The following AOPEP variants were observed in gnomAD, a reference collection of about 807,000 sequenced individuals.
AOPEP encodes aminopeptidase O.
AOPEP carries 77 observed loss-of-function variants against 98.1 expected under a neutral mutation model. That is an observed-to-expected ratio of 0.78 (90% CI 0.65 to 0.95). The LOEUF is 0.95. Ranked by LOEUF, AOPEP falls within the 40% of genes least tolerant of loss-of-function variation. The pLI is 0.00. For synonymous variants in AOPEP, 346 were observed against 365.3 expected (o/e 0.95, Z 0.60); for missense variants, 1,024 against 1,024.7 (o/e 1.00, Z 0.01).
chr9:94,775,422 T>TC (rs1321543505), intron 3 of AOPEP, among the ~76,000 whole-genome samples: 1 of 150,836 alleles, frequency 6.6e-6, no homozygotes, highest in African/African-American at 2.4e-5. Flanking sequence ...CAGGCTGGAG[T>TC]GCAATGGCGC....
chr9:95,137,348 T>C, the AOPEP span, among the ~76,000 whole-genome samples: 1 of 151,928 alleles, frequency 6.6e-6, no homozygotes, highest in Non-Finnish European at 1.5e-5. Context: ...CCGGGGAGAC[T>C]GCGGAGGAGC....
chr9:94,743,193 A>AGAAGAAGAAGAAGAAGAGGAAGAAGAG (rs1554695832), intron 1 of AOPEP, among the ~76,000 whole-genome samples: 1 of 121,928 alleles, frequency 8.2e-6, no homozygotes. Context: ...AAGAAGAAGA[A>AGAAGAAGAAGAAGAAGAGGAAGAAGAG]GAAGAAGAGG....
chr9:95,086,462 C>G, intron 16 of AOPEP: 1 of 985,376 alleles, frequency 1.0e-6, no homozygotes, highest in Non-Finnish European at 1.2e-6. Flanking sequence ...TACGCAAAGC[C>G]TGAGTACAGC....
chr9:94,979,266 A>G, intron 10 of AOPEP, 101 bp from the exon 11 acceptor site: 1 of 744,046 alleles, frequency 1.3e-6, no homozygotes, highest in Non-Finnish European at 2.3e-6. Flanking sequence ...GCACTTCTGG[A>G]AGATCGATGC....
At chr9:94,990,472 A>G (rs1194646063) in intron 11 of AOPEP, among the ~76,000 whole-genome samples, 1 of 152,208 alleles carries the variant, frequency 6.6e-6, no homozygotes, top group Non-Finnish European at 1.5e-5. Flanking sequence ...TAGGACAAAG[A>G]TAGCAGCTCT....
At chr9:94,898,971 C>CT (rs1004612158) in intron 5 of AOPEP, among the ~76,000 whole-genome samples, 1 of 151,972 alleles carries the variant, frequency 6.6e-6, no homozygotes, top group African/African-American at 2.4e-5. Flanking sequence ...AATAAAAAGA[C>CT]TTAAGTAGAC....
At chr9:94,804,247 TA>T (rs1385834014) in intron 5 of AOPEP, among the ~76,000 whole-genome samples, 1 of 152,228 alleles carries the variant, frequency 6.6e-6, no homozygotes, top group Non-Finnish European at 1.5e-5. Flanking sequence ...ACCTTAATCT[TA>T]CCTTTGTATG....
At chr9:95,093,028 C>T in the AOPEP span, among the ~76,000 whole-genome samples, 1,202 of 152,250 alleles carry the variant, frequency 7.9e-3, 15 homozygotes, top group African/African-American at 0.027. Flanking sequence ...GGCCGGAGTC[C>T]GTTTCAGTGA....
chr9:94,902,355 G>T (rs777021071), intron 5 of AOPEP, among the ~76,000 whole-genome samples: 1 of 152,164 alleles, frequency 6.6e-6, no homozygotes, highest in Admixed American at 6.5e-5. Flanking sequence ...GGGTTAGGGT[G>T]AGCAGGGTCA....
chr9:94,872,863 G>A (rs1043472684), intron 5 of AOPEP, among the ~76,000 whole-genome samples: 2 of 152,212 alleles, frequency 1.3e-5, no homozygotes, highest in African/African-American at 2.4e-5. Context: ...ATCACTGGAA[G>A]TCGGGGCAGT....
chr9:94,888,013 T>C (rs999817442), intron 5 of AOPEP, among the ~76,000 whole-genome samples: 1 of 141,500 alleles, frequency 7.1e-6, no homozygotes, highest in Non-Finnish European at 1.7e-5. Context: ...ATTGAAAATA[T>C]GTTTGTTCAC....
At chr9:95,017,662 C>T (rs143104919) in intron 13 of AOPEP, among the ~76,000 whole-genome samples, 2 of 152,256 alleles carry the variant, frequency 1.3e-5, no homozygotes, top group African/African-American at 2.4e-5. Context: ...GTCATGTATA[C>T]GTTACATGCC....
At chr9:94,821,977 A>ACACACT (rs891082010) in intron 5 of AOPEP, among the ~76,000 whole-genome samples, 3 of 98,646 alleles carry the variant, frequency 3.0e-5, no homozygotes, top group Non-Finnish European at 7.1e-5. Flanking sequence ...GTAAACACAC[A>ACACACT]CACACACACA....
chr9:94,850,118 G>C (rs2135147835), intron 5 of AOPEP, among the ~76,000 whole-genome samples: 1 of 152,194 alleles, frequency 6.6e-6, no homozygotes, highest in South Asian at 2.1e-4. Flanking sequence ...ACTTGCCTGA[G>C]GTTCACCTGC....
At chr9:94,864,664 C>T (rs1188656362) in intron 5 of AOPEP, among the ~76,000 whole-genome samples, 1 of 151,932 alleles carries the variant, frequency 6.6e-6, no homozygotes, top group Non-Finnish European at 1.5e-5. Flanking sequence ...ATAGAAGAGA[C>T]TTCTAATGGT....
chr9:95,068,241 G>A lies in AOPEP; in HGVS notation c.2232+7431G>A, dbSNP rs1474300415. ...GATTATAACCCTTGTTTAACCTTTT[G>A]AGGAACTGCCAGTGTGTTTTCTGCT... On this transcript the variant is annotated intron_variant, in intron 14 of 16. Transcript: ENST00000375315. Among the ~76,000 whole-genome samples the A allele has an allele frequency of 2.0e-5, 3 of 152,176 alleles. No individual in the cohort carries two copies. The East Asian group carries it at 5.8e-4, about 29-fold the overall frequency.
chr9:94,905,145 G>A lies in AOPEP; in HGVS notation c.1365-18841G>A, dbSNP rs534889987. 7.9e-5 allele frequency among the ~76,000 whole-genome samples: 12 copies of A among 152,296 alleles called. No individual in the cohort carries two copies. The East Asian group carries it at 2.3e-3, about 29-fold the overall frequency. ...TCGTATTGATGGACACACAAAAAGGGATGGCTTGTGTAGCTGCAACATAAA... is the reference window on the plus strand; with the variant it reads ...TCGTATTGATGGACACACAAAAAGGAATGGCTTGTGTAGCTGCAACATAAA... On this transcript the variant is annotated intron_variant, in intron 5 of 16. Transcript: ENST00000375315.
the AOPEP span, chr9:95,110,276 G>C: frequency 9.9e-7 from 1 of 1,011,258 alleles, no homozygotes; most frequent in East Asian, 6.9e-5. Flanking sequence ...GTGATTCTCT[G>C]TCAGTAACCT....
At chr9:94,738,719 G>A (rs1185719120) in intron 1 of AOPEP, among the ~76,000 whole-genome samples, 1 of 152,004 alleles carries the variant, frequency 6.6e-6, no homozygotes. Context: ...GACTACAGGC[G>A]CCCGCCACCA....
Sources: gnomAD v4.1 joint callset for allele counts (sites outside exome capture counted in the v4.1 genomes callset) on GRCh38, gnomAD v4.1.1 for gene constraint, MANE v1.5 for transcripts, NCBI Gene and HGNC (gene_info 2026-07-23, HGNC 2026-07-21) for gene names.